CDS2: variants seen among roughly 807,000 people sequenced by gnomAD.
CDS2 encodes CDP-diacylglycerol synthase 2, also known as phosphatidate cytidylyltransferase 2.
In CDS2, 47 loss-of-function variants were observed where a neutral mutation model predicts 59.0. The observed-to-expected ratio is 0.80, with a 90% CI of 0.63 to 1.02. The LOEUF is 1.02. CDS2 is among the 50% of genes least tolerant of loss of function. The pLI, the probability that CDS2 is intolerant of heterozygous loss-of-function variation, is 0.00. For synonymous variants in CDS2, 207 were observed against 206.4 expected (o/e 1.00, Z -0.02); for missense variants, 356 against 558.9 (o/e 0.64, Z 3.66).
intron 1 of CDS2, among the ~76,000 whole-genome samples, chr20:5,150,816 G>A (rs1399307074): frequency 1.3e-5 from 2 of 152,324 alleles, no homozygotes; most frequent in South Asian, 4.1e-4. Flanking sequence ...TCAGCAGATG[G>A]TCTCTGGAGT....
intron 3 of CDS2, 148 bp downstream of exon 3, chr20:5,175,427 C>T (rs2090988011): frequency 3.2e-6 from 2 of 633,748 alleles, no homozygotes; most frequent in East Asian, 2.8e-5. Context: ...TCTGTGACTT[C>T]CCACTTCTCA....
chr20:5,136,817 GA>G (rs2122958844), intron 1 of CDS2, among the ~76,000 whole-genome samples: 1 of 152,168 alleles, frequency 6.6e-6, no homozygotes, highest in East Asian at 1.9e-4. Flanking sequence ...AGGTTCAGGG[GA>G]TACATGTGCA....
Position 5,186,178 on chromosome 20 carries a change from T to G in CDS2, c.828+352T>G, listed in dbSNP as rs545624965. Among the ~76,000 whole-genome samples, 20 of 152,328 alleles carry G rather than the reference T, an allele frequency of 1.3e-4. No individual in the cohort carries two copies. The South Asian group carries it at 4.1e-3, about 32-fold the overall frequency. ...TGCCTTGCCCAGAGGTGGGTGATTT[T>G]CCTGCCCTTTCCAGAGCACCATTCT... On this transcript the variant is annotated intron_variant, in intron 9 of 12. Transcript: ENST00000460006.
chr20:5,162,814 C>T lies in CDS2; in HGVS notation c.58-10709C>T, dbSNP rs2090884603. On this transcript the variant is annotated intron_variant, in intron 1 of 12. Transcript: ENST00000460006. ...GCAGCCAGTCAGGTAGAGTGAGAAC[C>T]TGATAAGTATGGTATGGAGGTAGCT... 3.9e-5 allele frequency among the ~76,000 whole-genome samples: 6 copies of T among 152,092 alleles called. No individual in the cohort carries two copies. The South Asian group carries it at 1.2e-3, about 32-fold the overall frequency.
At position 5,183,207 on chromosome 20, in the gene CDS2, C is replaced by T. The variant is rs1419394449; in HGVS notation, c.671+64C>T. 4.3e-6 allele frequency: 6 copies of T among 1,382,216 alleles called. No homozygotes were observed. In the South Asian group the frequency reaches 7.1e-5, roughly 16 times the overall value. The allele number at this position is 1,382,216 out of a possible 1,614,324, so 85.6% of individuals were successfully genotyped here. A position where few individuals can be genotyped will look rare whatever the true frequency, so the allele number is the denominator to read the frequency against. On this transcript the variant is annotated intron_variant, in intron 7 of 12. Coordinates refer to ENST00000460006, the MANE Select transcript of CDS2 (RefSeq NM_003818.4). ...AGTGTTTCTCGTGTACAGATACCCC[C>T]CTCTAAGCCAGTGGCCCTCACCTTG...
intron 1 of CDS2, among the ~76,000 whole-genome samples, chr20:5,156,604 G>A (rs556950268): frequency 6.6e-6 from 1 of 152,232 alleles, no homozygotes; most frequent in East Asian, 1.9e-4. Context: ...ATTCAGATGC[G>A]ATTAATTGTA....
intron 1 of CDS2, among the ~76,000 whole-genome samples, chr20:5,147,711 T>C (rs1261128225): frequency 6.6e-6 from 1 of 152,054 alleles, no homozygotes; most frequent in Non-Finnish European, 1.5e-5. Flanking sequence ...GCCACATTTT[T>C]TTTTTTCTTT....
chr20:5,135,053 A>C (rs6076779), intron 1 of CDS2, among the ~76,000 whole-genome samples: 1,595 of 152,278 alleles, frequency 0.01, 14 homozygotes, highest in Non-Finnish European at 0.013. Flanking sequence ...AACTCTTTTT[A>C]AAATGAATCT....
At chr20:5,150,646 C>T (rs1419462908) in intron 1 of CDS2, among the ~76,000 whole-genome samples, 1 of 152,232 alleles carries the variant, frequency 6.6e-6, no homozygotes, top group Non-Finnish European at 1.5e-5. Flanking sequence ...CAGTGCAGGC[C>T]TGTGTGGCAC....
chr20:5,177,190 A>G (rs1311047922), intron 4 of CDS2, among the ~76,000 whole-genome samples: 1 of 152,080 alleles, frequency 6.6e-6, no homozygotes. Flanking sequence ...CCGTTTTTCT[A>G]GATCAGTATA....
chr20:5,155,266 T>A (rs1347430751), intron 1 of CDS2, among the ~76,000 whole-genome samples: 1 of 152,124 alleles, frequency 6.6e-6, no homozygotes, highest in Non-Finnish European at 1.5e-5. Flanking sequence ...TAAGGTTGTC[T>A]TTCCCGCACA....
At chr20:5,165,667 G>A (rs1468531290) in intron 1 of CDS2, among the ~76,000 whole-genome samples, 3 of 152,072 alleles carry the variant, frequency 2.0e-5, no homozygotes, top group Non-Finnish European at 2.9e-5. Context: ...TCCCACTTTG[G>A]CCTCCCAAAG....
intron 5 of CDS2, among the ~76,000 whole-genome samples, chr20:5,179,847 A>G (rs965138182): frequency 3.9e-5 from 6 of 152,228 alleles, no homozygotes; most frequent in African/African-American, 1.2e-4. Flanking sequence ...TACTAATTCT[A>G]ATAATGCTGA....
At chr20:5,158,163 TC>T (rs534175639) in intron 1 of CDS2, among the ~76,000 whole-genome samples, 1 of 144,976 alleles carries the variant, frequency 6.9e-6, no homozygotes, top group Admixed American at 6.9e-5. Context: ...CTGCTTTAGG[TC>T]TTTTTTTTTT....
At chr20:5,171,019 G>C (rs139277609) in intron 1 of CDS2, among the ~76,000 whole-genome samples, 1 of 152,176 alleles carries the variant, frequency 6.6e-6, no homozygotes, top group East Asian at 1.9e-4. Context: ...AGCTCAGTCC[G>C]CCTGAGGTCT....
chr20:5,134,369 C>A (rs1178031699), intron 1 of CDS2, among the ~76,000 whole-genome samples: 1 of 152,146 alleles, frequency 6.6e-6, no homozygotes, highest in Non-Finnish European at 1.5e-5. Context: ...GTCTGTATTT[C>A]TGAGAGGGGC....
rs1050689604 is a variant in CDS2, at chr20:5,195,256, C to G, written c.*5022C>G. ...TAGTTTGACCTCCGTTGGTGCAATG[C>G]CAGAGATGGGATTGTCAGCCACCAC... is the stretch of plus-strand genomic sequence containing the variant. On this transcript the variant is annotated 3_prime_UTR_variant, in exon 13 of 13. Transcript: ENST00000460006. 6.6e-6 allele frequency: 1 copy of G among 152,282 alleles called. No individual in the cohort carries two copies. The highest frequency in any genetic ancestry group is 6.6e-5 in the Admixed American group (1 of 15,266). 9.4% of individuals were successfully genotyped at this position (152,282 alleles called of 1,614,324 possible). A position where few individuals can be genotyped will look rare whatever the true frequency, so the allele number is the denominator to read the frequency against.
chr20:5,136,202 A>C (rs967814617), intron 1 of CDS2, among the ~76,000 whole-genome samples: 1 of 150,614 alleles, frequency 6.6e-6, no homozygotes, highest in Non-Finnish European at 1.5e-5. Flanking sequence ...AGTGGTCTAC[A>C]AGACATTCCT....
intron 10 of CDS2, among the ~76,000 whole-genome samples, chr20:5,188,055 C>CGTGT (rs71332879): frequency 0.3 from 45,077 of 148,728 alleles, 6,993 homozygotes; most frequent in Non-Finnish European, 0.37. Context: ...TCTTAACGTA[C>CGTGT]GTGTGTGTGT....
Sources: allele counts gnomAD v4.1 joint callset (sites outside exome capture counted in the v4.1 genomes callset), GRCh38; gene constraint gnomAD v4.1.1; transcripts MANE v1.5; gene names NCBI Gene and HGNC (gene_info 2026-07-23, HGNC 2026-07-21).